Variants in WDR37 observed in about 807,000 individuals in gnomAD.
WDR37 encodes WD repeat-containing protein 37.
Under a neutral mutation model 62.9 loss-of-function variants are expected in WDR37, and 19 were observed. That is an observed-to-expected ratio of 0.30 (90% CI 0.21 to 0.44). WDR37 has a LOEUF of 0.44. Among genes scored for constraint, WDR37 ranks in the 20% least tolerant of loss-of-function variants. WDR37 has a pLI of 1.00. For missense variants in WDR37, 474 were observed against 657.6 expected (o/e 0.72, Z 3.05); for synonymous variants, 250 against 260.9 (o/e 0.96, Z 0.40).
intron 9 of WDR37, among the ~76,000 whole-genome samples, chr10:1,100,250 C>T (rs1834746991): frequency 6.6e-6 from 1 of 151,638 alleles, no homozygotes; most frequent in Non-Finnish European, 1.5e-5. Context: ...TAAAGATGAA[C>T]CTCTGTGATG....
At chr10:1,093,333 C>G (rs1834463862) in intron 7 of WDR37, 119 bp from the exon 8 acceptor site, 1 of 769,096 alleles carries the variant, frequency 1.3e-6, no homozygotes, top group African/African-American at 1.8e-5. Flanking sequence ...AGTGGAGGAT[C>G]AAATATTGAA....
intron 1 of WDR37, among the ~76,000 whole-genome samples, chr10:1,063,084 A>T (rs1341424834): frequency 8.3e-6 from 1 of 119,800 alleles, no homozygotes; most frequent in East Asian, 2.2e-4. Flanking sequence ...ACACTCTGTT[A>T]AAAAAAAAAA....
chr10:1,126,007 C>T (rs539929001), intron 13 of WDR37, among the ~76,000 whole-genome samples: 17 of 152,218 alleles, frequency 1.1e-4, no homozygotes, highest in South Asian at 6.2e-4. Flanking sequence ...GATTCCCTGG[C>T]GGCTCTGCTG....
chr10:1,126,542 G>A (rs1835787471), intron 13 of WDR37, among the ~76,000 whole-genome samples: 2 of 152,228 alleles, frequency 1.3e-5, no homozygotes, highest in Admixed American at 6.5e-5. Context: ...ACCTGTGTGA[G>A]TAAATGGATT....
At chr10:1,085,504 T>G (rs974380298) in intron 6 of WDR37, among the ~76,000 whole-genome samples, 1 of 152,206 alleles carries the variant, frequency 6.6e-6, no homozygotes, top group Non-Finnish European at 1.5e-5. Flanking sequence ...AAAAAAGATA[T>G]TTTATGAAAG....
chr10:1,098,126 T>C (rs1834655763), intron 9 of WDR37, among the ~76,000 whole-genome samples: 1 of 152,074 alleles, frequency 6.6e-6, no homozygotes, highest in Non-Finnish European at 1.5e-5. Flanking sequence ...CAGAAATCTG[T>C]GTTGAAGCCC....
At chr10:1,074,903 G>C (rs1422647753) in intron 2 of WDR37, among the ~76,000 whole-genome samples, 3 of 152,276 alleles carry the variant, frequency 2.0e-5, no homozygotes, top group African/African-American at 4.8e-5. Context: ...ACGTCCACGT[G>C]CACACAGTGC....
Position 1,077,949 on chromosome 10 carries a change from C to T in WDR37, c.181C>T (p.Leu61=). The T allele has an allele frequency of 6.2e-7, 1 of 1,612,216 alleles. No individual in the cohort carries two copies. Among genetic ancestry groups the T allele is most frequent in the African/African-American group, 1.3e-5 (1 of 75,014 alleles). Residue 61 remains leucine, a synonymous_variant, in exon 3 of 14, where the codon CTG becomes TTG. Coordinates refer to ENST00000263150, the MANE Select transcript of WDR37 (RefSeq NM_014023.4). ...CTCGGTTCGCAGTACACTTCTGGAA[C>T]TGTTTGGTCAAATAGAAAGAGAATT... The part of the protein sequence containing the change: ...PSSVRSTLLE[L]FGQIEREFEN...
intron 7 of WDR37, among the ~76,000 whole-genome samples, chr10:1,089,886 C>T (rs747990750): frequency 2.6e-5 from 4 of 152,158 alleles, no homozygotes; most frequent in Non-Finnish European, 4.4e-5. Context: ...GGGGAGAAGA[C>T]GCCTGTGTTT....
At chr10:1,126,134 A>C (rs557731568) in intron 13 of WDR37, among the ~76,000 whole-genome samples, 1 of 152,138 alleles carries the variant, frequency 6.6e-6, no homozygotes, top group Non-Finnish European at 1.5e-5. Context: ...GGCTGGTCGC[A>C]GTGGCTGACG....
chr10:1,074,569 C>T, intron 2 of WDR37: 1 of 1,291,142 alleles, frequency 7.7e-7, no homozygotes. Flanking sequence ...AGGTGAGTGG[C>T]CCCCGTGAGG....
intron 3 of WDR37, among the ~76,000 whole-genome samples, chr10:1,078,678 T>C (rs948989901): frequency 1.3e-5 from 2 of 152,224 alleles, no homozygotes; most frequent in Non-Finnish European, 2.9e-5. Context: ...AGGGTTTGTG[T>C]TTGTAAAATT....
chr10:1,059,300 C>G (rs1478080350), intron 1 of WDR37, among the ~76,000 whole-genome samples: 1 of 152,164 alleles, frequency 6.6e-6, no homozygotes, highest in Admixed American at 6.5e-5. Flanking sequence ...CACTTGAACT[C>G]AGGAGGCAGA....
intron 1 of WDR37, among the ~76,000 whole-genome samples, chr10:1,062,356 A>G (rs1291408942): frequency 1.3e-5 from 2 of 152,234 alleles, no homozygotes; most frequent in Admixed American, 6.5e-5. Context: ...TCCAAAACTT[A>G]TAATTTTGAT....
intron 11 of WDR37, among the ~76,000 whole-genome samples, chr10:1,110,180 G>T (rs986928750): frequency 6.6e-6 from 1 of 152,184 alleles, no homozygotes; most frequent in Non-Finnish European, 1.5e-5. Flanking sequence ...GGGCGAGTCC[G>T]CTGGGCTGTT....
intron 1 of WDR37, among the ~76,000 whole-genome samples, chr10:1,068,449 T>C (rs1258966199): frequency 6.6e-6 from 1 of 151,370 alleles, no homozygotes; most frequent in Non-Finnish European, 1.5e-5. Context: ...AGCGAGACTC[T>C]GTCTCAAAAA....
intron 7 of WDR37, among the ~76,000 whole-genome samples, chr10:1,091,302 A>G (rs534147021): frequency 3.0e-4 from 45 of 152,362 alleles, no homozygotes; most frequent in Non-Finnish European, 4.6e-4. Flanking sequence ...CGAAATTGGA[A>G]GCATTAATAC....
Position 1,130,867 on chromosome 10 carries a change from C to T in WDR37, c.*1523C>T, listed in dbSNP as rs1835934958. On this transcript the variant is annotated 3_prime_UTR_variant, in exon 14 of 14. Transcript: ENST00000263150. ...CTACTTGGGTCTTCAGGAGCTGGTC[C>T]AAGGAGCTTCGAATCTAAGTCATCT... 6.8e-6 allele frequency: 1 copy of T among 147,836 alleles called. No homozygotes were observed. The highest frequency in any genetic ancestry group is 1.5e-5 in the Non-Finnish European group (1 of 67,592). 9.2% of individuals were successfully genotyped at this position (147,836 alleles called of 1,614,324 possible).
intron 12 of WDR37, 34 bp downstream of exon 12, chr10:1,124,386 A>C (rs763480587): frequency 6.2e-7 from 1 of 1,613,326 alleles, no homozygotes; most frequent in Admixed American, 1.7e-5. Flanking sequence ...TAAGTGGCTT[A>C]GTTTGATGTG....
Sources: allele counts gnomAD v4.1 joint callset (sites outside exome capture counted in the v4.1 genomes callset), GRCh38; gene constraint gnomAD v4.1.1; transcripts MANE v1.5; gene names NCBI Gene and HGNC (gene_info 2026-07-23, HGNC 2026-07-21).